Variants in AP3B1 observed in about 807,000 individuals in gnomAD.
The protein encoded by AP3B1 is AP-3 complex subunit beta-1.
AP3B1 carries 61 observed loss-of-function variants against 132.5 expected under a neutral mutation model. The observed-to-expected ratio is 0.46, with a 90% CI of 0.37 to 0.57. The LOEUF (loss-of-function observed/expected upper bound fraction) is 0.57, where lower values mean the gene tolerates loss of function less well. AP3B1 is among the 20% of genes least tolerant of loss of function. The pLI, the probability that AP3B1 is intolerant of heterozygous loss-of-function variation, is 0.00. For synonymous variants in AP3B1, 388 were observed against 438.3 expected (o/e 0.89, Z 1.43); for missense variants, 1,120 against 1,289.4 (o/e 0.87, Z 2.01).
chr5:78,024,424 C>CT (rs949227406), intron 24 of AP3B1, among the ~76,000 whole-genome samples: 6 of 152,044 alleles, frequency 3.9e-5, no homozygotes, highest in Non-Finnish European at 8.8e-5. Flanking sequence ...GGTCTCAGCT[C>CT]TGTCACCCAG....
intron 5 of AP3B1, 115 bp from the exon 6 acceptor site, chr5:78,225,723 A>G (rs1338682950): frequency 5.7e-5 from 37 of 651,264 alleles, no homozygotes; most frequent in South Asian, 5.5e-4. Flanking sequence ...AGCAAGAATT[A>G]TAAGTTAGAA....
intron 24 of AP3B1, among the ~76,000 whole-genome samples, chr5:78,027,884 G>A (rs1027575599): frequency 6.6e-6 from 1 of 152,102 alleles, no homozygotes; most frequent in Non-Finnish European, 1.5e-5. Flanking sequence ...CCAGCACTTT[G>A]GGAGGCCGAG....
chr5:78,245,850 T>C (rs1418850645), intron 2 of AP3B1, among the ~76,000 whole-genome samples: 1 of 152,162 alleles, frequency 6.6e-6, no homozygotes. Flanking sequence ...TCCTTTTTCA[T>C]TTTATTTGGT....
chr5:78,222,126 A>G (rs66599606), intron 6 of AP3B1: 1 of 147,128 alleles, frequency 6.8e-6, no homozygotes, highest in East Asian at 2.0e-4. Flanking sequence ...TTCATTCTCT[A>G]AAAAAAAAAA....
intron 20 of AP3B1, 70 bp from the exon 21 acceptor site, chr5:78,101,095 T>C: frequency 1.1e-6 from 1 of 940,748 alleles, no homozygotes; most frequent in East Asian, 2.6e-5. Flanking sequence ...TCCTTAATAT[T>C]CCAAAACAAA....
intron 1 of AP3B1, 117 bp from the exon 2 acceptor site, chr5:78,267,712 G>T: frequency 1.6e-6 from 1 of 623,620 alleles, no homozygotes; most frequent in Non-Finnish European, 2.7e-6. Flanking sequence ...AATAACTGCA[G>T]CAAGAAGGTG....
chr5:78,141,517 C>A (rs1202384648), intron 14 of AP3B1, among the ~76,000 whole-genome samples, 198 bp from the exon 15 acceptor site: 1 of 152,026 alleles, frequency 6.6e-6, no homozygotes, highest in South Asian at 2.1e-4. Flanking sequence ...AAATTGATTT[C>A]GAAGAGAATA....
At chr5:78,212,715 C>A (rs1247404561) in intron 7 of AP3B1, among the ~76,000 whole-genome samples, 2 of 152,082 alleles carry the variant, frequency 1.3e-5, no homozygotes, top group African/African-American at 4.8e-5. Context: ...AGTACTGTTT[C>A]ACCTTGTCTT....
intron 11 of AP3B1, among the ~76,000 whole-genome samples, chr5:78,173,774 G>C (rs1744026163): frequency 6.6e-6 from 1 of 152,112 alleles, no homozygotes; most frequent in Admixed American, 6.5e-5. Flanking sequence ...ATCCTGCAGA[G>C]TGTTTTCCAA....
intron 22 of AP3B1, among the ~76,000 whole-genome samples, chr5:78,048,212 TTC>T (rs1748423221): frequency 6.6e-6 from 1 of 152,266 alleles, no homozygotes; most frequent in South Asian, 2.1e-4. Flanking sequence ...ATCAGAAATG[TTC>T]TGATAGCCGA....
chr5:78,034,317 T>C (rs768332937), intron 24 of AP3B1, 44 bp downstream of exon 24: 2 of 1,442,536 alleles, frequency 1.4e-6, no homozygotes, highest in Non-Finnish European at 2.0e-6. Context: ...TGATCTGCTA[T>C]CCTTTACAGG....
chr5:78,116,058 C>A (rs750426593), intron 18 of AP3B1, 68 bp downstream of exon 18: 3 of 1,183,614 alleles, frequency 2.5e-6, no homozygotes, highest in African/African-American at 3.0e-5. Context: ...TGGATTAGGC[C>A]TTGTTTCTGA....
chr5:78,097,837 G>T (rs78753248), intron 21 of AP3B1, among the ~76,000 whole-genome samples: 2,063 of 152,276 alleles, frequency 0.014, 54 homozygotes, highest in African/African-American at 0.047. Context: ...GGAATAGAAA[G>T]CGGGGAAAGG....
intron 22 of AP3B1, among the ~76,000 whole-genome samples, chr5:78,070,177 C>A (rs1323888857): frequency 6.6e-6 from 1 of 152,112 alleles, no homozygotes; most frequent in Non-Finnish European, 1.5e-5. Flanking sequence ...GAGGCTGAGG[C>A]AGGCGGATCA....
chr5:78,119,338 G>A (rs1436029622), intron 17 of AP3B1, among the ~76,000 whole-genome samples: 1 of 152,214 alleles, frequency 6.6e-6, no homozygotes, highest in Non-Finnish European at 1.5e-5. Context: ...AAGCTGGACG[G>A]AGAATGACGT....
intron 21 of AP3B1, among the ~76,000 whole-genome samples, chr5:78,092,529 T>G (rs1417447461): frequency 6.6e-6 from 1 of 152,226 alleles, no homozygotes; most frequent in Non-Finnish European, 1.5e-5. Flanking sequence ...TGAAATATCA[T>G]GCCCACCTGG....
intron 7 of AP3B1, among the ~76,000 whole-genome samples, chr5:78,184,107 T>G (rs1340176991): frequency 2.0e-5 from 3 of 151,158 alleles, no homozygotes; most frequent in Non-Finnish European, 4.4e-5. Context: ...AGGCGGAGGT[T>G]GCAGTGAGTG....
intron 21 of AP3B1, among the ~76,000 whole-genome samples, chr5:78,099,808 G>C (rs768867080): frequency 6.6e-6 from 1 of 151,714 alleles, no homozygotes; most frequent in Non-Finnish European, 1.5e-5. Context: ...AGAACTGCTC[G>C]AACCCAGAAG....
At position 78,294,680 on chromosome 5, in the gene AP3B1, AGC is replaced by A. The variant is rs1749683496; in HGVS notation, c.-103_-102del. ...AACAAAACTAGTTCTCGTACGGAGGAGCGCGCGCAGGCGCTTCCGGACTCGTC... is the reference window on the plus strand; with the variant it reads ...AACAAAACTAGTTCTCGTACGGAGGAGCGCGCAGGCGCTTCCGGACTCGTC... On this transcript the variant is annotated 5_prime_UTR_variant, in exon 1 of 27. Transcript: ENST00000255194. 10 of 1,583,472 alleles carry A rather than the reference AGC, an allele frequency of 6.3e-6. No individual in the cohort carries two copies. Among genetic ancestry groups the A allele is most frequent in the Non-Finnish European group, 8.6e-6 (10 of 1,163,752 alleles).
Sources: gnomAD v4.1 joint callset for allele counts (sites outside exome capture counted in the v4.1 genomes callset) on GRCh38, gnomAD v4.1.1 for gene constraint, MANE v1.5 for transcripts, NCBI Gene and HGNC (gene_info 2026-07-23, HGNC 2026-07-21) for gene names.